Variants in DLGAP2 observed in about 807,000 individuals in gnomAD.
DLGAP2 encodes disks large-associated protein 2.
A neutral mutation model predicts 100.3 loss-of-function variants in DLGAP2; 26 were observed. The observed-to-expected ratio is 0.26, with a 90% CI of 0.19 to 0.36. The LOEUF is 0.36. Ranked by LOEUF, DLGAP2 falls within the 10% of genes least tolerant of loss-of-function variation. DLGAP2 has a pLI of 1.00. For synonymous variants in DLGAP2, 886 were observed against 630.1 expected, an observed-to-expected ratio of 1.41 and a Z score of -6.08; for missense variants, 1,858 against 1,453.2, an observed-to-expected ratio of 1.28 and a Z score of -4.53.
At chr8:1,176,694 G>T (rs539238185) in intron 2 of DLGAP2, among the ~76,000 whole-genome samples, 3 of 152,248 alleles carry the variant, frequency 2.0e-5, no homozygotes, top group African/African-American at 7.2e-5. Context: ...GGCAGCCCAG[G>T]GCTCCGTCTG....
intron 1 of DLGAP2, among the ~76,000 whole-genome samples, chr8:768,418 ATTTT>A (rs58234397): frequency 1.0e-5 from 1 of 99,960 alleles, no homozygotes; most frequent in African/African-American, 4.0e-5. Flanking sequence ...GAAGGCGTTG[ATTTT>A]TTTTTTTTTT....
chr8:858,027 G>C (rs1351392341), intron 1 of DLGAP2, among the ~76,000 whole-genome samples: 1 of 152,100 alleles, frequency 6.6e-6, no homozygotes, highest in Non-Finnish European at 1.5e-5. Flanking sequence ...ACGCCACCAT[G>C]CCCGGCTAAT....
At chr8:1,164,634 C>A (rs917122857) in intron 2 of DLGAP2, among the ~76,000 whole-genome samples, 2 of 152,136 alleles carry the variant, frequency 1.3e-5, no homozygotes, top group African/African-American at 2.4e-5. Context: ...TGCTCAGAAC[C>A]GCCAGGGCCT....
intron 3 of DLGAP2, among the ~76,000 whole-genome samples, chr8:1,496,605 G>A (rs1476000241): frequency 1.3e-5 from 2 of 152,128 alleles, no homozygotes; most frequent in African/African-American, 2.4e-5. Context: ...CAGTGATCAC[G>A]GCGCCCTATG....
At chr8:944,429 G>T (rs1171980389) in intron 2 of DLGAP2, among the ~76,000 whole-genome samples, 4 of 152,106 alleles carry the variant, frequency 2.6e-5, no homozygotes, top group Non-Finnish European at 5.9e-5. Flanking sequence ...CCCTGTGGAT[G>T]ACCCAGTGGG....
At chr8:1,149,270 C>G (rs924650562) in intron 2 of DLGAP2, among the ~76,000 whole-genome samples, 2 of 152,088 alleles carry the variant, frequency 1.3e-5, no homozygotes, top group African/African-American at 4.8e-5. Flanking sequence ...CTCAGCCTCC[C>G]GAGTAGTTGG....
intron 2 of DLGAP2, among the ~76,000 whole-genome samples, chr8:1,072,869 G>A (rs1165950769): frequency 6.6e-6 from 1 of 152,242 alleles, no homozygotes; most frequent in African/African-American, 2.4e-5. Flanking sequence ...GGCTGAGTGT[G>A]CCCGGGGACC....
intron 1 of DLGAP2, among the ~76,000 whole-genome samples, chr8:840,920 G>C (rs923203245): frequency 6.6e-6 from 1 of 152,222 alleles, no homozygotes; most frequent in Non-Finnish European, 1.5e-5. Context: ...TGTTTGGCAG[G>C]ACTCAGCAGT....
At chr8:1,344,263 C>G (rs549258070) in intron 3 of DLGAP2, among the ~76,000 whole-genome samples, 1 of 141,078 alleles carries the variant, frequency 7.1e-6, no homozygotes, top group Non-Finnish European at 1.5e-5. Flanking sequence ...AGTCTCCCCT[C>G]GAGCTACGTG....
intron 2 of DLGAP2, among the ~76,000 whole-genome samples, chr8:987,989 T>C (rs555452681): frequency 6.6e-6 from 1 of 152,324 alleles, no homozygotes; most frequent in Admixed American, 6.5e-5. Context: ...AAAACAAGTC[T>C]GGTTCTCGAT....
intron 3 of DLGAP2, among the ~76,000 whole-genome samples, chr8:1,275,169 G>C (rs890340020): frequency 2.6e-5 from 4 of 152,064 alleles, no homozygotes; most frequent in Non-Finnish European, 5.9e-5. Flanking sequence ...AGCAACTCTG[G>C]AGTTATTATG....
At chr8:1,571,928 C>T (rs1340981304) in intron 6 of DLGAP2, among the ~76,000 whole-genome samples, 3 of 113,192 alleles carry the variant, frequency 2.7e-5, no homozygotes, top group South Asian at 3.1e-4. Context: ...ACTGTGGGGG[C>T]GTCTGCTGGG....
intron 2 of DLGAP2, among the ~76,000 whole-genome samples, chr8:958,387 T>A (rs534006041): frequency 2.0e-5 from 3 of 152,120 alleles, no homozygotes; most frequent in African/African-American, 4.8e-5. Flanking sequence ...GGTCCCAGTC[T>A]TCCCCTCCGT....
At chr8:1,039,652 CTCGGTGTGGGTGG>C (rs1427781020) in intron 2 of DLGAP2, among the ~76,000 whole-genome samples, 3 of 47,384 alleles carry the variant, frequency 6.3e-5, no homozygotes, top group Non-Finnish European at 8.9e-5. Flanking sequence ...GCGTGGTCAG[CTCGGTGTGGGTGG>C]TCAGCTCGGT....
chr8:1,555,423 C>A (rs1381052261), intron 5 of DLGAP2, among the ~76,000 whole-genome samples: 2 of 152,198 alleles, frequency 1.3e-5, no homozygotes, highest in African/African-American at 2.4e-5. Context: ...GACTGCAAAG[C>A]CTGTGTTGTG....
intron 8 of DLGAP2, among the ~76,000 whole-genome samples, chr8:1,637,507 G>C (rs370482985): frequency 6.6e-6 from 1 of 151,848 alleles, no homozygotes; most frequent in African/African-American, 2.4e-5. Context: ...CCCCACAAAG[G>C]CAACAAAAAG....
At chr8:816,448 C>G (rs906662541) in intron 1 of DLGAP2, among the ~76,000 whole-genome samples, 3 of 152,122 alleles carry the variant, frequency 2.0e-5, no homozygotes, top group Admixed American at 6.5e-5. Flanking sequence ...ATTTGTTTAT[C>G]TGGAAAAGAG....
At chr8:1,538,491 C>T (rs1801230459) in intron 4 of DLGAP2, among the ~76,000 whole-genome samples, 1 of 152,172 alleles carries the variant, frequency 6.6e-6, no homozygotes, top group South Asian at 2.1e-4. Flanking sequence ...TTCTTTCAGG[C>T]TCAGGGCTCA....
intron 1 of DLGAP2, among the ~76,000 whole-genome samples, chr8:751,228 C>T (rs2132573544): frequency 2.9e-5 from 1 of 34,848 alleles, no homozygotes; most frequent in South Asian, 1.6e-3. Context: ...TCTCCGGCCA[C>T]CCTCTCACGG....
Sources: allele counts gnomAD v4.1 joint callset (sites outside exome capture counted in the v4.1 genomes callset), GRCh38; gene constraint gnomAD v4.1.1; transcripts MANE v1.5; gene names NCBI Gene and HGNC (gene_info 2026-07-23, HGNC 2026-07-21).